Variants in ORC3 observed in about 807,000 individuals in gnomAD.
ORC3 encodes origin recognition complex subunit 3, also known as homolog of latheo, Drosophila.
In ORC3, 78 loss-of-function variants were observed where a neutral mutation model predicts 100.7. That is an observed-to-expected ratio of 0.77 (90% CI 0.65 to 0.94). The LOEUF (loss-of-function observed/expected upper bound fraction) is 0.94, where lower values mean the gene tolerates loss of function less well. Ranked by LOEUF, ORC3 falls within the 40% of genes least tolerant of loss-of-function variation. The pLI is 0.00. For synonymous variants in ORC3, 295 were observed against 289.3 expected (o/e 1.02, Z -0.20); for missense variants, 789 against 823.9 (o/e 0.96, Z 0.52).
chr6:87,665,858 A>G (rs376710306), intron 19 of ORC3, 25 bp downstream of exon 19: 3 of 1,328,192 alleles, frequency 2.3e-6, no homozygotes, highest in Non-Finnish European at 3.3e-6. Flanking sequence ...CCATTTCTAC[A>G]ATGTCCAACT....
chr6:87,607,707 G>A lies in ORC3; in HGVS notation c.462G>A (p.Gln154=). ...MKHFLQKLIS[Q]LMDCCVDIKS... ...ATTTTTTGCAAAAGTTGATCTCACA[G>A]TTGATGGACTGCTGTGTAGATATAA... The change falls in exon 6 of 20, where the codon CAG becomes CAA. Residue 154 remains glutamine (Q), a synonymous_variant. Coordinates refer to ENST00000392844, the MANE Select transcript of ORC3 (RefSeq NM_012381.4). 1.2e-6 allele frequency: 2 copies of A among 1,609,580 alleles called. No homozygotes were observed. The highest frequency in any genetic ancestry group is 2.2e-5 in the South Asian group (2 of 90,136).
At chr6:87,664,157 TTATAA>T (rs996066601) in intron 17 of ORC3, among the ~76,000 whole-genome samples, 4 of 152,124 alleles carry the variant, frequency 2.6e-5, no homozygotes, top group African/African-American at 9.7e-5. Context: ...GTGGGATATA[TTATAA>T]TATACCCCTG....
chr6:87,594,852 C>T (rs1777314893), intron 2 of ORC3, among the ~76,000 whole-genome samples: 1 of 152,012 alleles, frequency 6.6e-6, no homozygotes, highest in Admixed American at 6.6e-5. Flanking sequence ...TAATTGGTAA[C>T]ATAAGGAAAA....
At chr6:87,661,531 T>C (rs905144635) in intron 16 of ORC3, among the ~76,000 whole-genome samples, 3 of 152,146 alleles carry the variant, frequency 2.0e-5, no homozygotes, top group African/African-American at 7.2e-5. Flanking sequence ...CTTCCTCTCT[T>C]CTTCAGAGCT....
At chr6:87,656,830 T>C (rs1364073355) in intron 14 of ORC3, 76 bp from the exon 15 acceptor site, 4 of 895,734 alleles carry the variant, frequency 4.5e-6, no homozygotes, top group Middle Eastern at 4.6e-4. Context: ...ACTTTTACTT[T>C]GGAGTAGTAG....
intron 9 of ORC3, 82 bp downstream of exon 9, chr6:87,616,509 A>C: frequency 1.7e-6 from 1 of 594,968 alleles, no homozygotes; most frequent in South Asian, 2.2e-5. Flanking sequence ...CTAGTGTGAT[A>C]GGCATTTTAA....
chr6:87,659,046 T>C (rs1562382299), intron 16 of ORC3, among the ~76,000 whole-genome samples: 1 of 148,880 alleles, frequency 6.7e-6, no homozygotes, highest in South Asian at 2.1e-4. Context: ...CCTGTTATCA[T>C]TGTTTATTGT....
intron 2 of ORC3, among the ~76,000 whole-genome samples, chr6:87,599,195 GT>G (rs1249850610): frequency 6.6e-6 from 1 of 151,986 alleles, no homozygotes; most frequent in Non-Finnish European, 1.5e-5. Context: ...TTTCTAAGAG[GT>G]TTTTCATGTG....
chr6:87,643,324 T>A lies in ORC3; in HGVS notation c.1382+6838T>A, dbSNP rs1304489169. Among the ~76,000 whole-genome samples, 3 of 152,098 alleles carry A rather than the reference T, an allele frequency of 2.0e-5. No homozygotes were observed. In the East Asian group the frequency reaches 5.8e-4, roughly 29 times the overall value. ...GCTGGTATGGTGTTTCAGCAGGAAT[T>A]TGCATTTAACAAGCACTCTGGCACA... On this transcript the variant is annotated intron_variant, in intron 13 of 19. Coordinates refer to ENST00000392844, the MANE Select transcript of ORC3 (RefSeq NM_012381.4).
At chr6:87,598,601 A>G (rs34582358) in intron 2 of ORC3, among the ~76,000 whole-genome samples, 6,635 of 151,716 alleles carry the variant, frequency 0.044, 189 homozygotes, top group African/African-American at 0.081. Context: ...TTTTAGTACT[A>G]GTAAACCTGA....
Position 87,663,066 on chromosome 6 carries a change from T to C in ORC3, c.1755T>C (p.His585=), listed in dbSNP as rs949707142. ...LHEVVYFSAA[H]ALREHLNAAP... is the part of the protein sequence containing the mutation. ...AGGTGGTGTACTTCAGTGCTGCCCA[T>C]GCCCTTCGTGAGCATTTAAATGCTG... The change falls in exon 17 of 20, where the codon CAT becomes CAC. Residue 585 remains histidine, a synonymous_variant. Transcript: ENST00000392844. 1 of 1,612,804 alleles carries C rather than the reference T, an allele frequency of 6.2e-7. No individual in the cohort carries two copies. Among genetic ancestry groups the C allele is most frequent in the South Asian group, 1.1e-5 (1 of 91,034 alleles).
chr6:87,662,869 A>C, intron 16 of ORC3, 134 bp from the exon 17 acceptor site: 1 of 443,132 alleles, frequency 2.3e-6, no homozygotes, highest in Non-Finnish European at 3.5e-6. Context: ...AGTCCTCTAC[A>C]GAGAGAGGAT....
rs534438914 is a variant in ORC3, at chr6:87,626,265, A to AT, written c.1185+4254dup. ...GATGGGGATGGCATTGAATCTATAA[A>AT]TTACCTTGAGCAGTATGGCCATTTT... On this transcript the variant is annotated intron_variant, in intron 11 of 19. Coordinates refer to ENST00000392844, the MANE Select transcript of ORC3 (RefSeq NM_012381.4). Among the ~76,000 whole-genome samples the AT allele has an allele frequency of 2.7e-3, 404 of 152,296 alleles. 1 individual carries two copies. Among genetic ancestry groups the AT allele is most frequent in the Non-Finnish European group, 4.2e-3 (283 of 68,018 alleles).
intron 13 of ORC3, among the ~76,000 whole-genome samples, chr6:87,640,100 G>A (rs1366740855): frequency 6.6e-6 from 1 of 151,788 alleles, no homozygotes; most frequent in Non-Finnish European, 1.5e-5. Flanking sequence ...CTTTAGTGGT[G>A]GGAAACCCTT....
intron 13 of ORC3, among the ~76,000 whole-genome samples, chr6:87,646,367 A>AT (rs1377169252): frequency 6.6e-6 from 1 of 151,850 alleles, no homozygotes; most frequent in South Asian, 2.1e-4. Context: ...TATCTTAGAC[A>AT]TTTTTTTTAT....
chr6:87,601,671 CAAA>C lies in ORC3; in HGVS notation c.80-101_80-99del, dbSNP rs371875532. 264 of 513,744 alleles carry C rather than the reference CAAA, an allele frequency of 5.1e-4. 2 individuals are homozygous for C. Among genetic ancestry groups the C allele is most frequent in the African/African-American group, 4.8e-3 (227 of 47,288 alleles). 31.8% of individuals were successfully genotyped at this position (513,744 alleles called of 1,614,324 possible). A position where few individuals can be genotyped will look rare whatever the true frequency, so the allele number is the denominator to read the frequency against. On this transcript the variant is annotated intron_variant, in intron 2 of 19. Transcript: ENST00000392844. ...TGGGTGACAGAGTGAGACTCCATAT[CAAA>C]AAAAAAAAAAATTTCACTTCTGTCA...
In ORC3 at chr6:87,594,394, C is replaced by T. The variant is rs144122164; in HGVS notation, c.66C>T (p.Ile22=). The part of the protein sequence containing the change: ...VFKPNSKKRK[I]SLPIEDYFNK... ...AGCCAAACTCCAAAAAGAGAAAGAT[C>T]TCTCTGCCAATAGGTAAGGTGTCTG... Residue 22 remains isoleucine (I), a synonymous_variant, in exon 2 of 20, where the codon ATC becomes ATT. Coordinates refer to ENST00000392844, the MANE Select transcript of ORC3 (RefSeq NM_012381.4). The T allele has an allele frequency of 3.7e-5, 59 of 1,583,344 alleles. 1 individual carries two copies. Among genetic ancestry groups the T allele is most frequent in the Non-Finnish European group, 4.6e-5 (53 of 1,158,906 alleles).
At chr6:87,673,994 A>ATT in the ORC3 span, among the ~76,000 whole-genome samples, 1 of 151,862 alleles carries the variant, frequency 6.6e-6, no homozygotes, top group Non-Finnish European at 1.5e-5. Context: ...AATTGGTGAA[A>ATT]TGTAATTACC....
At chr6:87,636,522 T>G in intron 13 of ORC3, 36 bp downstream of exon 13, 1 of 1,395,576 alleles carries the variant, frequency 7.2e-7, no homozygotes, top group Non-Finnish European at 1.0e-6. Context: ...TATTTTTGTC[T>G]GCTATAAGCC....
Sources: gnomAD v4.1 joint callset for allele counts (sites outside exome capture counted in the v4.1 genomes callset) on GRCh38, gnomAD v4.1.1 for gene constraint, MANE v1.5 for transcripts, NCBI Gene and HGNC (gene_info 2026-07-23, HGNC 2026-07-21) for gene names.